TBC1D14: variants seen among roughly 807,000 people sequenced by gnomAD.
TBC1D14 encodes TBC1 domain family, member 14.
Under a neutral mutation model 79.0 loss-of-function variants are expected in TBC1D14, and 26 were observed. That is an observed-to-expected ratio of 0.33 (90% CI 0.24 to 0.46). TBC1D14 has a LOEUF of 0.46. Among genes scored for constraint, TBC1D14 ranks in the 20% least tolerant of loss-of-function variants. The probability of loss-of-function intolerance (pLI) is 1.00; values close to 1 mark genes in which losing one functional copy is unlikely to be tolerated. For synonymous variants in TBC1D14, 394 were observed against 349.9 expected (o/e 1.13, Z -1.40); for missense variants, 769 against 887.6 (o/e 0.87, Z 1.70).
At chr4:6,918,054 C>T (rs1429007343) in intron 1 of TBC1D14, among the ~76,000 whole-genome samples, 2 of 152,238 alleles carry the variant, frequency 1.3e-5, no homozygotes, top group African/African-American at 2.4e-5. Flanking sequence ...TCAAAGGTCA[C>T]TCAACTTCTC....
chr4:6,921,747 A>G (rs1577460387), intron 1 of TBC1D14, among the ~76,000 whole-genome samples: 1 of 139,548 alleles, frequency 7.2e-6, no homozygotes, highest in African/African-American at 2.8e-5. Flanking sequence ...CCCAGGCTGG[A>G]GTGCAGTGGC....
At chr4:6,961,340 C>T (rs577202756) in intron 2 of TBC1D14, among the ~76,000 whole-genome samples, 1 of 152,298 alleles carries the variant, frequency 6.6e-6, no homozygotes, top group South Asian at 2.1e-4. Context: ...GGGCCAGCAC[C>T]TTTCAGGGCA....
At chr4:6,977,750 A>G in intron 3 of TBC1D14, among the ~76,000 whole-genome samples, 1 of 61,058 alleles carries the variant, frequency 1.6e-5, no homozygotes, top group African/African-American at 5.5e-5. Context: ...CCATCTAGGA[A>G]GTGAGGAGCG....
chr4:7,004,382 T>A lies in TBC1D14; in HGVS notation c.1271-462T>A, dbSNP rs972562778. 3.9e-5 allele frequency among the ~76,000 whole-genome samples: 6 copies of A among 152,240 alleles called. No homozygotes were observed. The South Asian group carries it at 8.3e-4, about 21-fold the overall frequency. On this transcript the variant is annotated intron_variant, in intron 7 of 13. Coordinates refer to ENST00000409757, the MANE Select transcript of TBC1D14 (RefSeq NM_020773.3). The stretch of plus-strand genomic sequence containing the variant: ...GTGCCAGGTGGGGGCAATTGCACCA[T>A]GTCCTTTCTTGAAACCCAATGATTC...
chr4:6,996,480 AC>A, intron 5 of TBC1D14, 73 bp downstream of exon 5: 1 of 1,219,966 alleles, frequency 8.2e-7, no homozygotes, highest in Non-Finnish European at 1.2e-6. Flanking sequence ...TTTTCTTTTT[AC>A]CATTTGGAGT....
chr4:6,944,865 G>T (rs145822899), intron 2 of TBC1D14, among the ~76,000 whole-genome samples: 22 of 152,222 alleles, frequency 1.4e-4, no homozygotes, highest in African/African-American at 4.8e-4. Flanking sequence ...TGGCCTTCCG[G>T]GCATGCGTGC....
chr4:6,959,919 G>C (rs1453549596), intron 2 of TBC1D14, among the ~76,000 whole-genome samples: 1 of 151,966 alleles, frequency 6.6e-6, no homozygotes, highest in Non-Finnish European at 1.5e-5. Flanking sequence ...AGGTGGGAGT[G>C]GTACAAAGCA....
intron 3 of TBC1D14, chr4:6,987,340 G>A: frequency 7.0e-7 from 1 of 1,423,394 alleles, no homozygotes; most frequent in Non-Finnish European, 9.2e-7. Context: ...CTAAGGCCCC[G>A]GCGTTCATGG....
chr4:7,029,415 C>T (rs890324901), intron 13 of TBC1D14, among the ~76,000 whole-genome samples: 2 of 152,262 alleles, frequency 1.3e-5, no homozygotes, highest in Admixed American at 6.5e-5. Context: ...GGGCATTAGC[C>T]TTCCAGAGTT....
At chr4:7,004,536 A>T (rs150624222) in intron 7 of TBC1D14, among the ~76,000 whole-genome samples, 1,811 of 152,284 alleles carry the variant, frequency 0.012, 15 homozygotes, top group Middle Eastern at 0.037. Flanking sequence ...TGCCCCAGGG[A>T]TCTTGCGGTC....
intron 3 of TBC1D14, among the ~76,000 whole-genome samples, chr4:6,987,739 C>T (rs1718019369): frequency 6.6e-6 from 1 of 152,194 alleles, no homozygotes. Context: ...ATCCGATGAG[C>T]CTTTGTATGG....
rs549739634 is a variant in TBC1D14, at chr4:6,987,232, G to T, written c.844-6952G>T. 72 of 1,256,374 alleles carry T rather than the reference G, an allele frequency of 5.7e-5. 2 individuals are homozygous for T. In the South Asian group the frequency reaches 1.9e-3, roughly 33 times the overall value. The allele number at this position is 1,256,374 out of a possible 1,614,324, so 77.8% of individuals were successfully genotyped here. ...CCGCCCCGCCCCGCCCCGCGAGTCT[G>T]AGGAGCCGCCGCGTCCGCCCGCCCG... On this transcript the variant is annotated intron_variant, in intron 3 of 13. Coordinates refer to ENST00000409757, the MANE Select transcript of TBC1D14 (RefSeq NM_020773.3).
In TBC1D14 at chr4:7,010,755, G is replaced by A; in HGVS notation, c.1621G>A (p.Ala541Thr). Residue 541 changes from alanine (A) to threonine (T), a missense_variant, in exon 11 of 14, where the codon GCG (alanine) becomes ACG (threonine). Around this residue, in one of 2 missense-constraint regions of TBC1D14, gnomAD observed 367 missense variants for 494.4 expected, o/e 0.74. Coordinates refer to ENST00000409757, the MANE Select transcript of TBC1D14 (RefSeq NM_020773.3). ...SNLLNKPCQM[A>T]FFRVDHGLML... ...CCTTCTGAATAAACCCTGTCAAATG[G>A]CGTTTTTTAGAGTGGACCATGGCCT... The A allele has an allele frequency of 6.2e-7, 1 of 1,613,802 alleles. No individual in the cohort carries two copies. Among genetic ancestry groups the A allele is most frequent in the Non-Finnish European group, 8.5e-7 (1 of 1,179,902 alleles).
chr4:6,978,981 C>A (rs1249004637), intron 3 of TBC1D14, among the ~76,000 whole-genome samples: 1 of 152,056 alleles, frequency 6.6e-6, no homozygotes, highest in Non-Finnish European at 1.5e-5. Flanking sequence ...AAGTGAAATA[C>A]AAAAGGGGAC....
chr4:6,925,716 T>C (rs1488687003), intron 2 of TBC1D14, among the ~76,000 whole-genome samples: 2 of 152,042 alleles, frequency 1.3e-5, no homozygotes, highest in Non-Finnish European at 2.9e-5. Context: ...CCTGGGAACT[T>C]TGGGGGAGAT....
In TBC1D14 at chr4:7,014,510, G is replaced by A. The variant is rs371530578; in HGVS notation, c.1710G>A (p.Ala570=). 20 of 1,613,752 alleles carry A rather than the reference G, an allele frequency of 1.2e-5. No homozygotes were observed. Among genetic ancestry groups the A allele is most frequent in the East Asian group, 6.7e-5 (3 of 44,872 alleles). Residue 570 remains alanine (A), a synonymous_variant, in exon 12 of 14, where the codon GCG becomes GCA. Coordinates refer to ENST00000409757, the MANE Select transcript of TBC1D14 (RefSeq NM_020773.3). ...AAGAAAATTTGCCGAAATTATTTGC[G>A]CATTTCAAGAAGAACAACCTAACTC... ...FFEENLPKLF[A]HFKKNNLTPD... is the part of the protein sequence containing the mutation.
chr4:6,930,662 G>T (rs932494755), intron 2 of TBC1D14, among the ~76,000 whole-genome samples: 2 of 152,012 alleles, frequency 1.3e-5, no homozygotes, highest in African/African-American at 4.8e-5. Flanking sequence ...GCTGGGCTTG[G>T]TGGTGGGTGC....
chr4:6,988,627 TTCACTG>T (rs1718131302), intron 3 of TBC1D14, among the ~76,000 whole-genome samples: 1 of 152,234 alleles, frequency 6.6e-6, no homozygotes, highest in African/African-American at 2.4e-5. Flanking sequence ...TCAGGTTATT[TTCACTG>T]GTGAATCTTG....
chr4:7,007,530 A>T (rs2109234550), intron 9 of TBC1D14: 1 of 1,289,094 alleles, frequency 7.8e-7, no homozygotes, highest in Non-Finnish European at 1.0e-6. Context: ...TCAGGTTCTC[A>T]TCTTTGTGGA....
Sources: gnomAD v4.1 joint callset for allele counts (sites outside exome capture counted in the v4.1 genomes callset) on GRCh38, gnomAD v4.1.1 for gene constraint, gnomAD v4.1.1 regional missense constraint, MANE v1.5 for transcripts, NCBI Gene and HGNC (gene_info 2026-07-23, HGNC 2026-07-21) for gene names.